The following PAPPA2 variants were observed in gnomAD, a reference collection of about 807,000 sequenced individuals.
The protein encoded by PAPPA2 is pappalysin 2.
In PAPPA2, 86 loss-of-function variants were observed where a neutral mutation model predicts 176.4. The observed-to-expected ratio is 0.49, with a 90% CI of 0.41 to 0.58. The LOEUF is 0.58. Among genes scored for constraint, PAPPA2 ranks in the 20% least tolerant of loss-of-function variants. The probability of loss-of-function intolerance (pLI) is 0.00; values close to 1 mark genes in which losing one functional copy is unlikely to be tolerated. For synonymous variants in PAPPA2, 809 were observed against 852.2 expected (o/e 0.95, Z 0.88); for missense variants, 2,073 against 2,256.9 (o/e 0.92, Z 1.65).
At chr1:176,743,628 G>A (rs1179209381) in intron 14 of PAPPA2, among the ~76,000 whole-genome samples, 1 of 152,118 alleles carries the variant, frequency 6.6e-6, no homozygotes, top group Non-Finnish European at 1.5e-5. Context: ...TTAATGTAAT[G>A]GGATTTGCAG....
intron 3 of PAPPA2, among the ~76,000 whole-genome samples, chr1:176,658,622 T>C (rs535470879): frequency 2.0e-5 from 3 of 152,064 alleles, no homozygotes; most frequent in Admixed American, 1.3e-4. Context: ...AGTTAGAATT[T>C]TGATAATTAA....
chr1:176,699,181 C>T lies in PAPPA2; in HGVS notation c.2828C>T (p.Thr943Met), dbSNP rs770232499. 2.7e-5 allele frequency: 44 copies of T among 1,614,004 alleles called. No homozygotes were observed. The highest frequency in any genetic ancestry group is 1.6e-4 in the Middle Eastern group (1 of 6,082). Residue 943 changes from threonine to methionine, a missense_variant, in exon 8 of 23, where the codon ACG becomes ATG. Transcript: ENST00000367662. Reference sequence around the variant, plus strand: ...GTCCACCTGTACCACATGAACATGACGGTCCCCTGCCCCACAGAAGGCTGT... The same window carrying T: ...GTCCACCTGTACCACATGAACATGATGGTCCCCTGCCCCACAGAAGGCTGT... ...PEVHLYHMNM[T>M]VPCPTEGCSL...
At chr1:176,739,283 C>T (rs552684039) in intron 12 of PAPPA2, among the ~76,000 whole-genome samples, 1 of 152,186 alleles carries the variant, frequency 6.6e-6, no homozygotes, top group Admixed American at 6.5e-5. Context: ...ATTGCACTGG[C>T]TCTGCAGTCA....
At chr1:176,516,705 C>T (rs1442799100) in intron 1 of PAPPA2, among the ~76,000 whole-genome samples, 1 of 152,192 alleles carries the variant, frequency 6.6e-6, no homozygotes, top group African/African-American at 2.4e-5. Flanking sequence ...AAGCCCTTAC[C>T]ATACACCAAA....
chr1:176,665,504 G>A (rs1346396882), intron 3 of PAPPA2, among the ~76,000 whole-genome samples: 1 of 152,174 alleles, frequency 6.6e-6, no homozygotes, highest in Non-Finnish European at 1.5e-5. Flanking sequence ...GCCAGAAATG[G>A]AGAAAGCGGC....
intron 20 of PAPPA2, among the ~76,000 whole-genome samples, chr1:176,795,808 G>T (rs1015421244): frequency 6.6e-6 from 1 of 152,126 alleles, no homozygotes; most frequent in African/African-American, 2.4e-5. Context: ...CATGAAATAG[G>T]TTTGCAAAGA....
chr1:176,469,374 G>A (rs943971170), intron 1 of PAPPA2, among the ~76,000 whole-genome samples: 3 of 151,968 alleles, frequency 2.0e-5, no homozygotes, highest in African/African-American at 7.3e-5. Context: ...GAGTGGGTGG[G>A]GTGCCACTGA....
chr1:176,656,919 C>A (rs1490937876), intron 3 of PAPPA2, among the ~76,000 whole-genome samples: 2 of 151,834 alleles, frequency 1.3e-5, no homozygotes, highest in East Asian at 3.9e-4. Flanking sequence ...ATTGAAAATT[C>A]TTTACACTTT....
chr1:176,811,829 G>GA (rs1490711746), intron 21 of PAPPA2, among the ~76,000 whole-genome samples: 1 of 152,106 alleles, frequency 6.6e-6, no homozygotes, highest in Non-Finnish European at 1.5e-5. Flanking sequence ...TGGAATCTCT[G>GA]AAAATCAGAT....
chr1:176,552,842 A>AG (rs1651045647), intron 1 of PAPPA2, among the ~76,000 whole-genome samples: 1 of 152,176 alleles, frequency 6.6e-6, no homozygotes, highest in Non-Finnish European at 1.5e-5. Context: ...AGTGAAAAAA[A>AG]GGGGGAAAAA....
intron 1 of PAPPA2, among the ~76,000 whole-genome samples, chr1:176,534,510 A>C (rs1422870524): frequency 6.6e-6 from 1 of 152,236 alleles, no homozygotes; most frequent in Admixed American, 6.5e-5. Context: ...CCTTTAGATA[A>C]GAAAGAGGTA....
chr1:176,841,510 T>C (rs1035699200), intron 22 of PAPPA2, among the ~76,000 whole-genome samples: 3 of 152,180 alleles, frequency 2.0e-5, no homozygotes, highest in Admixed American at 1.3e-4. Context: ...GTGTGTGATA[T>C]GCCTATTTAT....
chr1:176,464,952 C>T (rs989931097), intron 1 of PAPPA2, among the ~76,000 whole-genome samples: 1 of 152,156 alleles, frequency 6.6e-6, no homozygotes, highest in African/African-American at 2.4e-5. Context: ...GGTGTTTTCA[C>T]TTTGAATTAT....
intron 1 of PAPPA2, among the ~76,000 whole-genome samples, chr1:176,529,550 G>A (rs184294578): frequency 3.4e-4 from 52 of 152,210 alleles, no homozygotes; most frequent in Non-Finnish European, 5.7e-4. Context: ...AGGGGAGGAG[G>A]AGGGAAGGAG....
At position 176,828,118 on chromosome 1, in the gene PAPPA2, G is replaced by A. The variant is rs376278497; in HGVS notation, c.5203-12055G>A. Among the ~76,000 whole-genome samples the A allele has an allele frequency of 2.6e-5, 4 of 152,168 alleles. No individual in the cohort carries two copies. In the East Asian group the frequency reaches 5.8e-4, roughly 22 times the overall value. ...GCATATCAGGATGGTCAGGGCACAG[G>A]CCTGAACACCAGACAATGGCTCTAT... On this transcript the variant is annotated intron_variant, in intron 21 of 22. Coordinates refer to ENST00000367662, the MANE Select transcript of PAPPA2 (RefSeq NM_020318.3).
At chr1:176,637,115 C>T (rs1181635479) in intron 3 of PAPPA2, among the ~76,000 whole-genome samples, 1 of 151,786 alleles carries the variant, frequency 6.6e-6, no homozygotes. Context: ...GGATAGCGTG[C>T]ATGAAAGTTT....
Position 176,842,606 on chromosome 1 carries a change from A to G in PAPPA2, c.*152A>G. 1.4e-6 allele frequency: 1 copy of G among 736,856 alleles called. No individual in the cohort carries two copies. Among genetic ancestry groups the G allele is most frequent in the South Asian group, 1.8e-5 (1 of 55,328 alleles). The allele number at this position is 736,856 out of a possible 1,614,324, so 45.6% of individuals were successfully genotyped here. ...GATCTTATAAGAAATGCAAGAGGAT[A>G]TTGATAGGTGTGAACTAGTTCATCA... On this transcript the variant is annotated 3_prime_UTR_variant, in exon 23 of 23. Transcript: ENST00000367662.
At chr1:176,670,525 G>A (rs1658932056) in intron 3 of PAPPA2, among the ~76,000 whole-genome samples, 1 of 151,970 alleles carries the variant, frequency 6.6e-6, no homozygotes, top group Non-Finnish European at 1.5e-5. Context: ...AATGCTTGAA[G>A]TAGGCATATA....
intron 21 of PAPPA2, among the ~76,000 whole-genome samples, chr1:176,809,185 C>T (rs1203863780): frequency 6.6e-6 from 1 of 152,144 alleles, no homozygotes; most frequent in Non-Finnish European, 1.5e-5. Flanking sequence ...TCTAGGACTC[C>T]ATGGATTTAA....
Sources: allele counts gnomAD v4.1 joint callset (sites outside exome capture counted in the v4.1 genomes callset), GRCh38; gene constraint gnomAD v4.1.1; transcripts MANE v1.5; gene names NCBI Gene and HGNC (gene_info 2026-07-23, HGNC 2026-07-21).